ATG7: variants seen among roughly 807,000 people sequenced by gnomAD.
ATG7 encodes the protein autophagy related 7, also known as ubiquitin-like modifier-activating enzyme ATG7.
In ATG7, 70 loss-of-function variants were observed where a neutral mutation model predicts 82.4. The ratio of observed to expected loss-of-function variants is 0.85; its 90% confidence interval spans 0.70 to 1.04. ATG7 has a LOEUF of 1.04. Ranked by LOEUF, ATG7 falls within the 50% of genes least tolerant of loss-of-function variation. The pLI is 0.00. For missense variants in ATG7, 792 were observed against 864.3 expected (o/e 0.92, Z 1.05); for synonymous variants, 287 against 313.0 (o/e 0.92, Z 0.88).
At chr3:11,513,757 G>A (rs973333575) in intron 20 of ATG7, among the ~76,000 whole-genome samples, 9 of 152,138 alleles carry the variant, frequency 5.9e-5, no homozygotes, top group South Asian at 2.1e-4. Context: ...CAGAGGAGGC[G>A]CTGAGAGTGA....
intron 20 of ATG7, among the ~76,000 whole-genome samples, chr3:11,536,815 C>T (rs770610470): frequency 1.3e-5 from 2 of 152,192 alleles, no homozygotes; most frequent in Non-Finnish European, 2.9e-5. Flanking sequence ...CTCTGAGCCT[C>T]CATCTTCCCT....
intron 20 of ATG7, among the ~76,000 whole-genome samples, chr3:11,514,837 T>A (rs2092213577): frequency 6.7e-6 from 1 of 149,962 alleles, no homozygotes; most frequent in South Asian, 2.1e-4. Flanking sequence ...GCATCTGGTC[T>A]AGGTTTTTTT....
chr3:11,347,495 A>T (rs1047759585), intron 13 of ATG7, among the ~76,000 whole-genome samples: 1 of 152,224 alleles, frequency 6.6e-6, no homozygotes, highest in Non-Finnish European at 1.5e-5. Context: ...GTTGTTATTT[A>T]TACTTAATTA....
chr3:11,483,861 CG>C (rs879317581), intron 20 of ATG7, among the ~76,000 whole-genome samples: 4 of 152,058 alleles, frequency 2.6e-5, no homozygotes, highest in Non-Finnish European at 5.9e-5. Flanking sequence ...CCTTGGGCTT[CG>C]TAGGCTACAT....
chr3:11,429,552 A>G (rs1240129356), intron 20 of ATG7, among the ~76,000 whole-genome samples: 1 of 151,942 alleles, frequency 6.6e-6, no homozygotes, highest in Non-Finnish European at 1.5e-5. Flanking sequence ...GAAAAATCAG[A>G]TCTGGGAACT....
chr3:11,320,532 C>G (rs922286023), intron 9 of ATG7, among the ~76,000 whole-genome samples: 1 of 152,232 alleles, frequency 6.6e-6, no homozygotes, highest in Non-Finnish European at 1.5e-5. Flanking sequence ...AGGTGATCCA[C>G]CCACCACAGC....
intron 20 of ATG7, among the ~76,000 whole-genome samples, chr3:11,428,695 G>T (rs1403800481): frequency 1.3e-5 from 2 of 152,210 alleles, no homozygotes; most frequent in African/African-American, 2.4e-5. Flanking sequence ...AAGCAATGCT[G>T]TACTGCCTGA....
At chr3:11,350,093 T>C (rs988173396) in intron 14 of ATG7, among the ~76,000 whole-genome samples, 13 of 152,214 alleles carry the variant, frequency 8.5e-5, no homozygotes, top group Non-Finnish European at 4.4e-5. Flanking sequence ...AAACCCACTT[T>C]CTCAAAGTTT....
At chr3:11,296,293 C>A (rs1470599541) in intron 3 of ATG7, among the ~76,000 whole-genome samples, 1 of 152,294 alleles carries the variant, frequency 6.6e-6, no homozygotes, top group East Asian at 1.9e-4. Context: ...ACTTGCTTTG[C>A]CTCTCAAGGG....
intron 3 of ATG7, chr3:11,288,758 G>A (rs1264210451): frequency 6.6e-6 from 1 of 152,154 alleles, no homozygotes; most frequent in Non-Finnish European, 1.5e-5. Flanking sequence ...CTCATTCAGT[G>A]ACATTTTCTG....
intron 5 of ATG7, among the ~76,000 whole-genome samples, chr3:11,300,969 T>C (rs180971804): frequency 2.6e-5 from 4 of 152,312 alleles, no homozygotes; most frequent in African/African-American, 9.6e-5. Flanking sequence ...ATGATGAGTT[T>C]ATCAGGACAT....
At chr3:11,525,202 TTTA>T (rs1003991548) in intron 20 of ATG7, among the ~76,000 whole-genome samples, 4 of 151,358 alleles carry the variant, frequency 2.6e-5, no homozygotes, top group African/African-American at 9.8e-5. Flanking sequence ...AGCTAATTTT[TTTA>T]TTTTTAGTAG....
At chr3:11,569,308 G>T in the ATG7 span, among the ~76,000 whole-genome samples, 466 of 152,274 alleles carry the variant, frequency 3.1e-3, 9 homozygotes, top group Admixed American at 0.02. Flanking sequence ...GCCTGGGGAG[G>T]GGGTATGGGT....
intron 20 of ATG7, among the ~76,000 whole-genome samples, chr3:11,536,382 T>C (rs892763969): frequency 6.6e-6 from 1 of 152,214 alleles, no homozygotes; most frequent in African/African-American, 2.4e-5. Flanking sequence ...GAAGACAGCC[T>C]TGGGCTACCG....
intron 20 of ATG7, among the ~76,000 whole-genome samples, chr3:11,502,902 G>A (rs913213794): frequency 4.6e-5 from 7 of 152,116 alleles, no homozygotes; most frequent in Non-Finnish European, 1.5e-5. Context: ...ATTCCATTTT[G>A]GAAACTGAAA....
intron 19 of ATG7, among the ~76,000 whole-genome samples, chr3:11,403,538 C>G (rs1275817950): frequency 6.6e-6 from 1 of 152,008 alleles, no homozygotes. Context: ...CAAATGTAAA[C>G]TTTTATGTAG....
Position 11,529,337 on chromosome 3 carries a change from A to G in ATG7, c.2080-25474A>G, listed in dbSNP as rs76351372. Among the ~76,000 whole-genome samples, 1,213 of 152,368 alleles carry G rather than the reference A, an allele frequency of 8.0e-3. 12 individuals are homozygous for G. Among genetic ancestry groups the G allele is most frequent in the African/African-American group, 0.028 (1,166 of 41,592 alleles). On this transcript the variant is annotated intron_variant, in intron 20 of 20. Transcript: ENST00000693202. ...AAATCCAATAACATTTAGGAACCGT[A>G]ACACAAGAGAAGCTGCTTGCCCCTC...
intron 20 of ATG7, among the ~76,000 whole-genome samples, chr3:11,435,801 A>G (rs1273414329): frequency 6.6e-6 from 1 of 152,266 alleles, no homozygotes; most frequent in Admixed American, 6.5e-5. Context: ...GGCACCTTAC[A>G]AAAGAAAAAT....
chr3:11,307,867 C>T (rs1000194794), intron 6 of ATG7, among the ~76,000 whole-genome samples: 8 of 152,294 alleles, frequency 5.3e-5, no homozygotes, highest in East Asian at 3.9e-4. Context: ...TCACATCCCT[C>T]GGGATGGACG....
Sources: gnomAD v4.1 joint callset for allele counts (sites outside exome capture counted in the v4.1 genomes callset) on GRCh38, gnomAD v4.1.1 for gene constraint, MANE v1.5 for transcripts, NCBI Gene and HGNC (gene_info 2026-07-23, HGNC 2026-07-21) for gene names.